The following GPR158 variants were observed in gnomAD, a reference collection of about 807,000 sequenced individuals.
GPR158 encodes metabotropic glycine receptor.
In GPR158, 30 loss-of-function variants were observed where a neutral mutation model predicts 78.2. The observed-to-expected ratio is 0.38, with a 90% confidence interval of 0.29 to 0.52. The LOEUF (loss-of-function observed/expected upper bound fraction) is 0.52, where lower values mean the gene tolerates loss of function less well. Ranked by LOEUF, GPR158 falls within the 20% of genes least tolerant of loss-of-function variation. GPR158 has a pLI of 0.83. For synonymous variants in GPR158, 581 were observed against 591.1 expected (o/e 0.98, Z 0.25); for missense variants, 1,463 against 1,523.5 (o/e 0.96, Z 0.66).
intron 2 of GPR158, among the ~76,000 whole-genome samples, chr10:25,267,680 T>G (rs985285005): frequency 2.6e-5 from 4 of 152,190 alleles, no homozygotes; most frequent in Non-Finnish European, 4.4e-5. Context: ...CCTTCTAATT[T>G]GACAAGATTC....
chr10:25,273,848 T>C (rs563591292), intron 2 of GPR158, among the ~76,000 whole-genome samples: 9 of 151,962 alleles, frequency 5.9e-5, no homozygotes, highest in Admixed American at 3.3e-4. Flanking sequence ...CCCGGCTAAT[T>C]TTTTGTATTT....
intron 2 of GPR158, among the ~76,000 whole-genome samples, chr10:25,297,240 C>T (rs1386344230): frequency 6.6e-6 from 1 of 152,150 alleles, no homozygotes; most frequent in Non-Finnish European, 1.5e-5. Context: ...ACAACTTTCT[C>T]AGTCTCTCTG....
intron 2 of GPR158, among the ~76,000 whole-genome samples, chr10:25,267,796 C>A (rs946700818): frequency 6.6e-6 from 1 of 152,000 alleles, no homozygotes; most frequent in Non-Finnish European, 1.5e-5. Flanking sequence ...AGGGCCCAGA[C>A]TCTTGGTTAT....
chr10:25,565,880 G>C (rs573428549), intron 6 of GPR158, among the ~76,000 whole-genome samples: 1 of 152,282 alleles, frequency 6.6e-6, no homozygotes, highest in East Asian at 1.9e-4. Context: ...AAAGTACAAA[G>C]CTTCCACAGT....
intron 2 of GPR158, among the ~76,000 whole-genome samples, chr10:25,241,432 T>C (rs1335623873): frequency 4.0e-5 from 6 of 149,514 alleles, no homozygotes; most frequent in Non-Finnish European, 7.4e-5. Flanking sequence ...TTTTCTTTTC[T>C]TTTCTTTCGA....
At chr10:25,342,988 A>G (rs913197079) in intron 2 of GPR158, among the ~76,000 whole-genome samples, 7 of 151,820 alleles carry the variant, frequency 4.6e-5, no homozygotes, top group Non-Finnish European at 7.4e-5. Context: ...AGGGTTTCTG[A>G]AAGATAAGAC....
intron 4 of GPR158, among the ~76,000 whole-genome samples, chr10:25,422,477 CACCTCTGTCCAT>C (rs1834764149): frequency 6.6e-6 from 1 of 152,134 alleles, no homozygotes; most frequent in Non-Finnish European, 1.5e-5. Flanking sequence ...ACACCCTCCA[CACCTCTGTCCAT>C]GGAAAAATTA....
chr10:25,251,987 A>G (rs1192080294), intron 2 of GPR158, among the ~76,000 whole-genome samples: 1 of 151,790 alleles, frequency 6.6e-6, no homozygotes, highest in East Asian at 1.9e-4. Flanking sequence ...ACATAGTCCC[A>G]TATTTCTTGG....
At chr10:25,457,261 C>T (rs987784384) in intron 4 of GPR158, among the ~76,000 whole-genome samples, 15 of 147,654 alleles carry the variant, frequency 1.0e-4, no homozygotes, top group African/African-American at 3.5e-4. Flanking sequence ...TCCCAAAGTG[C>T]GGGATTACAG....
At chr10:25,583,786 G>A (rs2130742694) in intron 7 of GPR158, among the ~76,000 whole-genome samples, 1 of 152,230 alleles carries the variant, frequency 6.6e-6, no homozygotes, top group African/African-American at 2.4e-5. Flanking sequence ...TATTTATGCT[G>A]TGTAAAGGTA....
intron 1 of GPR158, among the ~76,000 whole-genome samples, chr10:25,205,101 A>G (rs1222352891): frequency 6.6e-6 from 1 of 151,964 alleles, no homozygotes; most frequent in Non-Finnish European, 1.5e-5. Flanking sequence ...TAAAACTTGC[A>G]TTTCATCTTC....
At chr10:25,369,515 A>C (rs1833956100) in intron 2 of GPR158, among the ~76,000 whole-genome samples, 1 of 147,958 alleles carries the variant, frequency 6.8e-6, no homozygotes, top group Non-Finnish European at 1.5e-5. Context: ...CCAGGGATGA[A>C]GCCCACTTGA....
chr10:25,277,603 C>G (rs750429335), intron 2 of GPR158, among the ~76,000 whole-genome samples: 1 of 152,102 alleles, frequency 6.6e-6, no homozygotes, highest in Non-Finnish European at 1.5e-5. Context: ...TGTGGGAACT[C>G]AGGCTGCTAT....
chr10:25,212,510 A>T (rs924747662), intron 1 of GPR158, among the ~76,000 whole-genome samples: 1 of 152,102 alleles, frequency 6.6e-6, no homozygotes, highest in Non-Finnish European at 1.5e-5. Flanking sequence ...ACAGATCCAA[A>T]CCATATCAGT....
At chr10:25,351,474 C>T (rs888164283) in intron 2 of GPR158, among the ~76,000 whole-genome samples, 1 of 151,724 alleles carries the variant, frequency 6.6e-6, no homozygotes, top group African/African-American at 2.4e-5. Context: ...TATGGTAACA[C>T]ATCAAAACCA....
intron 5 of GPR158, among the ~76,000 whole-genome samples, chr10:25,472,316 G>A (rs1408124359): frequency 7.2e-5 from 11 of 151,832 alleles, no homozygotes; most frequent in South Asian, 2.1e-4. Context: ...TGTTCCATTG[G>A]TCTATATCTC....
intron 5 of GPR158, among the ~76,000 whole-genome samples, chr10:25,503,576 A>G (rs752700237): frequency 2.0e-5 from 3 of 152,186 alleles, no homozygotes; most frequent in South Asian, 2.1e-4. Context: ...CTGTGTCAGT[A>G]TTACAGGGAG....
chr10:25,544,190 A>G (rs1339091480), intron 5 of GPR158, among the ~76,000 whole-genome samples: 1 of 152,212 alleles, frequency 6.6e-6, no homozygotes, highest in Non-Finnish European at 1.5e-5. Flanking sequence ...CTTAATAAAT[A>G]GAGTGGTATG....
At chr10:25,543,398 GGCGT>G (rs1836616104) in intron 5 of GPR158, among the ~76,000 whole-genome samples, 1 of 152,180 alleles carries the variant, frequency 6.6e-6, no homozygotes, top group Admixed American at 6.5e-5. Context: ...TGGGATTACA[GGCGT>G]GAGCCACTGC....
Sources: gnomAD v4.1 joint callset for allele counts (sites outside exome capture counted in the v4.1 genomes callset) on GRCh38, gnomAD v4.1.1 for gene constraint, MANE v1.5 for transcripts, NCBI Gene and HGNC (gene_info 2026-07-23, HGNC 2026-07-21) for gene names.